Variants in GPR55 observed in about 807,000 individuals in gnomAD.
GPR55 encodes G-protein coupled receptor 55.
GPR55 carries 6 observed loss-of-function variants against 7.9 expected under a neutral mutation model. That is an observed-to-expected ratio of 0.76 (90% CI 0.41 to 1.49). The LOEUF (loss-of-function observed/expected upper bound fraction) is 1.49. GPR55 is among the 40% of genes most tolerant of loss of function. The pLI is 0.01. For synonymous variants in GPR55, 183 were observed against 166.8 expected, an observed-to-expected ratio of 1.10 and a Z score of -0.75; for missense variants, 376 against 406.0, an observed-to-expected ratio of 0.93 and a Z score of 0.63.
chr2:230,955,217 A>T (rs1282827548), intron 1 of GPR55, among the ~76,000 whole-genome samples: 1 of 152,240 alleles, frequency 6.6e-6, no homozygotes, highest in African/African-American at 2.4e-5. Context: ...TTTGTCAGAT[A>T]ATACAAACAA....
rs895047972 is a variant in GPR55 at position 230,951,156 on chromosome 2, G to A, written c.-135+9619C>T. Among the ~76,000 whole-genome samples, 3 of 152,170 alleles carry A rather than the reference G, an allele frequency of 2.0e-5. No homozygotes were observed. In the East Asian group the frequency reaches 5.8e-4, roughly 29 times the overall value. ...TTGAAGTTGGTCGGTCAGAAGTTCCGAAGGGCCAGACTTGTGTCTGGGTCA... is the reference window on the plus strand; with the variant it reads ...TTGAAGTTGGTCGGTCAGAAGTTCCAAAGGGCCAGACTTGTGTCTGGGTCA... On this transcript the variant is annotated intron_variant, in intron 1 of 1. Transcript: ENST00000392039.
rs1690553374 is a variant in GPR55 at position 230,910,215 on chromosome 2, A to G, written c.748T>C (p.Phe250Leu). The stretch of plus-strand genomic sequence containing the variant: ...ACGATAAAGCTGTTTCTCACCAGGA[A>G]CTGCAGGAAGAACCCCAGGTGGACT... ...LPVHLGFFLQ[F>L]LVRNSFIVEC... The change falls in exon 2 of 2, where the codon TTC (phenylalanine) becomes CTC (leucine). Residue 250 changes from phenylalanine (F) to leucine (L), a missense_variant. Transcript: ENST00000650999. The surrounding 1 kb of genome is among the most constrained non-coding windows in gnomAD (Gnocchi z 5.4). The G allele has an allele frequency of 6.2e-7, 1 of 1,613,728 alleles. No homozygotes were observed.
chr2:230,946,830 G>A (rs987281349), intron 1 of GPR55, among the ~76,000 whole-genome samples: 1 of 152,232 alleles, frequency 6.6e-6, no homozygotes, highest in African/African-American at 2.4e-5. Flanking sequence ...CCTAACTGGG[G>A]CAGGGGCCAG....
intron 1 of GPR55, among the ~76,000 whole-genome samples, chr2:230,921,941 G>C (rs140490007): frequency 2.4e-4 from 36 of 152,272 alleles, no homozygotes; most frequent in Admixed American, 6.5e-4. Flanking sequence ...GACTTCACAG[G>C]GTCAGAAAAG....
At chr2:230,917,566 G>C (rs186120521) in intron 1 of GPR55, among the ~76,000 whole-genome samples, 1 of 152,300 alleles carries the variant, frequency 6.6e-6, no homozygotes, top group East Asian at 1.9e-4. Flanking sequence ...CCAGCACTTT[G>C]GGAGGCAAAG....
chr2:230,939,107 C>A (rs937311740), intron 1 of GPR55, among the ~76,000 whole-genome samples: 1 of 152,244 alleles, frequency 6.6e-6, no homozygotes, highest in Non-Finnish European at 1.5e-5. Flanking sequence ...CTACCCTAGA[C>A]TTCTCCTTTG....
At chr2:230,928,673 C>A (rs1003214101), upstream of GPR55, 6 of 152,058 alleles carry the variant, frequency 3.9e-5, no homozygotes, top group African/African-American at 1.2e-4. Flanking sequence ...GTCTCCCCTG[C>A]TGGGTCTATT....
At chr2:230,942,088 G>A (rs1287490540) in intron 1 of GPR55, among the ~76,000 whole-genome samples, 1 of 152,158 alleles carries the variant, frequency 6.6e-6, no homozygotes, top group Non-Finnish European at 1.5e-5. Context: ...AGCAATTTCA[G>A]AAAACATTTT....
intron 1 of GPR55, among the ~76,000 whole-genome samples, chr2:230,917,692 T>C (rs931749703): frequency 6.6e-6 from 1 of 152,056 alleles, no homozygotes; most frequent in African/African-American, 2.4e-5. Context: ...TGCCTATAGT[T>C]CCAGCTACTC....
intron 1 of GPR55, among the ~76,000 whole-genome samples, chr2:230,914,643 T>C (rs1433979316): frequency 2.4e-5 from 3 of 122,462 alleles, no homozygotes; most frequent in African/African-American, 9.3e-5. Flanking sequence ...CCAGTCTACT[T>C]GTGGGTGGGG....
At chr2:230,914,722 A>G (rs1485427596) in intron 1 of GPR55, among the ~76,000 whole-genome samples, 1 of 152,222 alleles carries the variant, frequency 6.6e-6, no homozygotes, top group Middle Eastern at 3.2e-3. Flanking sequence ...CCATTCCATT[A>G]GCAGCTCCTG....
chr2:230,955,785 G>A lies in GPR55; in HGVS notation c.-135+4990C>T, dbSNP rs1055893741. 5.3e-5 allele frequency among the ~76,000 whole-genome samples: 8 copies of A among 151,396 alleles called. No homozygotes were observed. In the East Asian group the frequency reaches 1.6e-3, roughly 30 times the overall value. ...GCCCAGGCTGGAGTGTGCCTGCAGTGGTGTGATCACGGCTCACTGCAGCCT... is the reference window on the plus strand; with the variant it reads ...GCCCAGGCTGGAGTGTGCCTGCAGTAGTGTGATCACGGCTCACTGCAGCCT... On this transcript the variant is annotated intron_variant, in intron 1 of 1. Transcript: ENST00000392039.
intron 1 of GPR55, among the ~76,000 whole-genome samples, chr2:230,934,742 C>T (rs1394330161): frequency 3.9e-5 from 6 of 152,074 alleles, no homozygotes; most frequent in Admixed American, 1.3e-4. Context: ...ATGGATGGGA[C>T]TCCTGGGGGG....
chr2:230,912,855 T>A (rs553468941), intron 1 of GPR55, among the ~76,000 whole-genome samples: 1 of 152,242 alleles, frequency 6.6e-6, no homozygotes, highest in Admixed American at 6.5e-5. Context: ...AGAACAAGCG[T>A]AGGAAAGTCA....
chr2:230,954,521 A>G (rs957559942), intron 1 of GPR55, among the ~76,000 whole-genome samples: 6 of 152,370 alleles, frequency 3.9e-5, no homozygotes, highest in Middle Eastern at 3.4e-3. Flanking sequence ...TTTATGGGGT[A>G]CATGAGATTT....
chr2:230,943,763 T>C (rs1235623376), intron 1 of GPR55, among the ~76,000 whole-genome samples: 2 of 152,104 alleles, frequency 1.3e-5, no homozygotes, highest in Non-Finnish European at 1.5e-5. Context: ...ATCTGGCTGT[T>C]TGAAAGTGTG....
In GPR55 at chr2:230,924,537, A is replaced by G. The variant is rs1464052786; in HGVS notation, c.-135+631T>C. 6.6e-6 allele frequency: 1 copy of G among 152,286 alleles called. No individual in the cohort carries two copies. Among genetic ancestry groups the G allele is most frequent in the East Asian group, 1.9e-4 (1 of 5,194 alleles). 9.4% of individuals were successfully genotyped at this position (152,286 alleles called of 1,614,324 possible). On this transcript the variant is annotated intron_variant, in intron 1 of 1. Transcript: ENST00000650999. The surrounding 1 kb of genome is among the most constrained non-coding windows in gnomAD (Gnocchi z 4.5). ...GAACAATGCAGCTATAATGTAGGAT[A>G]GCAACCAGGGCTTTCCTCTCCATCA... is the stretch of plus-strand genomic sequence containing the variant.
chr2:230,931,725 C>T (rs563693989), intron 1 of GPR55, among the ~76,000 whole-genome samples: 5 of 152,250 alleles, frequency 3.3e-5, no homozygotes, highest in Admixed American at 6.5e-5. Flanking sequence ...GCTCTCACCC[C>T]TGCCCATTAG....
intron 1 of GPR55, among the ~76,000 whole-genome samples, chr2:230,947,503 CTTTT>C (rs1324311132): frequency 5.2e-5 from 7 of 135,318 alleles, no homozygotes; most frequent in Admixed American, 1.5e-4. Flanking sequence ...ACTTTATGAC[CTTTT>C]TTTTTTTTTT....
Sources: gnomAD v4.1 joint callset for allele counts (sites outside exome capture counted in the v4.1 genomes callset) on GRCh38, gnomAD v4.1.1 for gene constraint, Gnocchi (gnomAD v3.1) non-coding constraint, MANE v1.5 for transcripts, NCBI Gene and HGNC (gene_info 2026-07-23, HGNC 2026-07-21) for gene names.